WWOX: variants seen among roughly 807,000 people sequenced by gnomAD.
WWOX encodes WW domain containing oxidoreductase, also known as WW domain-containing oxidoreductase.
A neutral mutation model predicts 46.2 loss-of-function variants in WWOX; 69 were observed. That is an observed-to-expected ratio of 1.49 (90% CI 1.23 to 1.82). The LOEUF is 1.82. Among genes scored for constraint, WWOX ranks in the 40% most tolerant of loss-of-function variants. WWOX has a pLI of 0.00. For synonymous variants in WWOX, 359 were observed against 202.6 expected (o/e 1.77, Z -6.56); for missense variants, 919 against 542.6 (o/e 1.69, Z -6.89).
intron 7 of WWOX, among the ~76,000 whole-genome samples, chr16:78,428,943 T>C (rs2083151567): frequency 6.6e-6 from 1 of 152,216 alleles, no homozygotes; most frequent in Non-Finnish European, 1.5e-5. Flanking sequence ...AAATTTTACC[T>C]TTAGAGCAAT....
At chr16:78,498,021 T>C (rs1031184261) in intron 8 of WWOX, among the ~76,000 whole-genome samples, 3 of 151,546 alleles carry the variant, frequency 2.0e-5, no homozygotes, top group African/African-American at 7.3e-5. Flanking sequence ...GCTAACATGG[T>C]GAAATGCTGT....
At chr16:78,917,084 A>G (rs2045269197) in intron 8 of WWOX, among the ~76,000 whole-genome samples, 2 of 152,218 alleles carry the variant, frequency 1.3e-5, no homozygotes, top group South Asian at 4.1e-4. Context: ...TCAATATAGT[A>G]GGAGAAGACC....
chr16:78,800,856 A>G (rs892206823), intron 8 of WWOX, among the ~76,000 whole-genome samples: 3 of 152,194 alleles, frequency 2.0e-5, no homozygotes, highest in Non-Finnish European at 2.9e-5. Context: ...GATTGTGGTC[A>G]GTCAACACTC....
intron 8 of WWOX, among the ~76,000 whole-genome samples, chr16:78,547,372 C>A (rs539804221): frequency 6.6e-6 from 1 of 152,226 alleles, no homozygotes; most frequent in East Asian, 1.9e-4. Flanking sequence ...AGATGTGTAT[C>A]TAAGGTCACA....
At chr16:78,118,702 G>T (rs1041751194) in intron 4 of WWOX, among the ~76,000 whole-genome samples, 1 of 152,132 alleles carries the variant, frequency 6.6e-6, no homozygotes, top group African/African-American at 2.4e-5. Context: ...AGAAAAAAGT[G>T]CCGACTGCTA....
intron 8 of WWOX, among the ~76,000 whole-genome samples, chr16:79,086,062 A>AC (rs913779239): frequency 1.6e-4 from 18 of 111,402 alleles, no homozygotes; most frequent in African/African-American, 6.5e-4. Flanking sequence ...ACAGTGTGAG[A>AC]CCCCATCTCC....
chr16:78,207,969 C>T (rs995138087), intron 5 of WWOX, among the ~76,000 whole-genome samples: 9 of 152,100 alleles, frequency 5.9e-5, no homozygotes, highest in African/African-American at 1.7e-4. Context: ...TTTGCCACCA[C>T]GCCCAGCTAA....
chr16:78,999,014 G>T (rs148960708), intron 8 of WWOX, among the ~76,000 whole-genome samples: 1 of 152,184 alleles, frequency 6.6e-6, no homozygotes, highest in Non-Finnish European at 1.5e-5. Flanking sequence ...CACCTTCTAG[G>T]AACCAAATGG....
intron 8 of WWOX, among the ~76,000 whole-genome samples, chr16:78,850,056 G>T (rs2052402860): frequency 6.6e-6 from 1 of 151,452 alleles, no homozygotes; most frequent in Non-Finnish European, 1.5e-5. Flanking sequence ...TGGGCAACAA[G>T]AGCGAAATTC....
chr16:78,311,366 TACC>T (rs2080239774), intron 5 of WWOX, among the ~76,000 whole-genome samples: 1 of 152,218 alleles, frequency 6.6e-6, no homozygotes, highest in Non-Finnish European at 1.5e-5. Context: ...ATTCAGTTCC[TACC>T]ACAAGGTCCG....
At chr16:78,910,860 G>C (rs887444852) in intron 8 of WWOX, among the ~76,000 whole-genome samples, 1 of 151,972 alleles carries the variant, frequency 6.6e-6, no homozygotes, top group Non-Finnish European at 1.5e-5. Context: ...TATAATTCAA[G>C]ATGAGATTTG....
At chr16:78,938,409 C>T (rs1057001855) in intron 8 of WWOX, among the ~76,000 whole-genome samples, 5 of 151,920 alleles carry the variant, frequency 3.3e-5, no homozygotes, top group African/African-American at 1.2e-4. Flanking sequence ...GAGGCCCAGA[C>T]ACAGAGAGCT....
chr16:78,566,247 T>A (rs1260548636), intron 8 of WWOX, among the ~76,000 whole-genome samples: 1 of 152,164 alleles, frequency 6.6e-6, no homozygotes, highest in Non-Finnish European at 1.5e-5. Flanking sequence ...CTCCAAGTAC[T>A]GTCACACTGG....
intron 8 of WWOX, among the ~76,000 whole-genome samples, chr16:78,640,462 C>A (rs536383925): frequency 6.6e-6 from 1 of 152,084 alleles, no homozygotes; most frequent in Middle Eastern, 3.4e-3. Flanking sequence ...CTCCCAGGCT[C>A]CTGCCATTGA....
At chr16:78,140,703 G>A (rs2033956699) in intron 4 of WWOX, among the ~76,000 whole-genome samples, 1 of 152,082 alleles carries the variant, frequency 6.6e-6, no homozygotes, top group African/African-American at 2.4e-5. Flanking sequence ...AGTTTTACTG[G>A]GTGAGAGCCC....
chr16:78,635,501 C>T (rs537563143), intron 8 of WWOX, among the ~76,000 whole-genome samples: 1 of 152,268 alleles, frequency 6.6e-6, no homozygotes, highest in African/African-American at 2.4e-5. Context: ...GGTTCATATC[C>T]TGGCTGGGCC....
intron 8 of WWOX, among the ~76,000 whole-genome samples, chr16:78,623,734 CAA>C (rs10543154): frequency 0.049 from 6,890 of 141,594 alleles, 188 homozygotes; most frequent in South Asian, 0.11. Context: ...GACTCTGTCT[CAA>C]AAAAAAAAAA....
At position 78,328,207 on chromosome 16, in the gene WWOX, G is replaced by A. The variant is rs541178544; in HGVS notation, c.517-58653G>A. ...TCTTAAATTTCACAGTCCCTTACCT[G>A]TAACTCAAATTCCCGAACCTTCAAA... On this transcript the variant is annotated intron_variant, in intron 5 of 8. Transcript: ENST00000566780. Among the ~76,000 whole-genome samples, 3 of 151,586 alleles carry A rather than the reference G, an allele frequency of 2.0e-5. No homozygotes were observed. The South Asian group carries it at 6.3e-4, about 32-fold the overall frequency.
At chr16:78,479,914 C>A (rs987522271) in intron 8 of WWOX, among the ~76,000 whole-genome samples, 2 of 152,136 alleles carry the variant, frequency 1.3e-5, no homozygotes, top group Non-Finnish European at 2.9e-5. Flanking sequence ...GAAGGAGGAA[C>A]CAATGACAAT....
Sources: allele counts gnomAD v4.1 joint callset (sites outside exome capture counted in the v4.1 genomes callset), GRCh38; gene constraint gnomAD v4.1.1; transcripts MANE v1.5; gene names NCBI Gene and HGNC (gene_info 2026-07-23, HGNC 2026-07-21).